POFUT3: variants seen among roughly 807,000 people sequenced by gnomAD.
The protein encoded by POFUT3 is protein O-fucosyltransferase 3, also known as GDP-fucose protein O-fucosyltransferase 3.
At chr8:33,310,105 G>T in the POFUT3 span, among the ~76,000 whole-genome samples, 1 of 152,098 alleles carries the variant, frequency 6.6e-6, no homozygotes, top group Non-Finnish European at 1.5e-5. Flanking sequence ...TGGATCTGTT[G>T]ACTGGGCTTA....
chr8:33,441,963 T>A, the POFUT3 span, among the ~76,000 whole-genome samples: 2 of 152,196 alleles, frequency 1.3e-5, no homozygotes, highest in African/African-American at 4.8e-5. Context: ...TTTTTTTTCT[T>A]TTTTGAGACG....
the POFUT3 span, chr8:33,455,933 C>T: frequency 2.3e-6 from 1 of 426,630 alleles, no homozygotes. Context: ...GAGTGAAAGC[C>T]AAGCAGCACT....
chr8:33,376,028 A>AT, the POFUT3 span, among the ~76,000 whole-genome samples: 1 of 151,860 alleles, frequency 6.6e-6, no homozygotes, highest in Non-Finnish European at 1.5e-5. Flanking sequence ...AAAAGAAAAA[A>AT]AAAAAACAAC....
At chr8:33,387,620 A>G in the POFUT3 span, among the ~76,000 whole-genome samples, 4 of 152,206 alleles carry the variant, frequency 2.6e-5, no homozygotes, top group Admixed American at 1.3e-4. Flanking sequence ...CCTGGCCAAC[A>G]TGGTGAAACC....
the POFUT3 span, among the ~76,000 whole-genome samples, chr8:33,345,510 C>T: frequency 1.3e-5 from 2 of 148,518 alleles, no homozygotes; most frequent in African/African-American, 5.0e-5. Context: ...AAGTGATTTT[C>T]GTGCCTCAGC....
the POFUT3 span, among the ~76,000 whole-genome samples, chr8:33,461,054 T>G: frequency 6.6e-6 from 1 of 151,454 alleles, no homozygotes; most frequent in Admixed American, 6.6e-5. Context: ...ACTCGGGAGG[T>G]TGAGGCACAA....
At chr8:33,318,618 T>A in the POFUT3 span, among the ~76,000 whole-genome samples, 1 of 89,902 alleles carries the variant, frequency 1.1e-5, no homozygotes, top group African/African-American at 5.9e-5. Flanking sequence ...ATATTGTATA[T>A]ATATTTATAT....
the POFUT3 span, among the ~76,000 whole-genome samples, chr8:33,376,253 T>C: frequency 6.6e-6 from 1 of 152,018 alleles, no homozygotes; most frequent in Non-Finnish European, 1.5e-5. Context: ...CAATCCATTA[T>C]GTGTCAGGTT....
chr8:33,412,473 A>T, the POFUT3 span, among the ~76,000 whole-genome samples: 1 of 152,230 alleles, frequency 6.6e-6, no homozygotes, highest in Non-Finnish European at 1.5e-5. Context: ...GGTACAGCAC[A>T]GGGAAATGCT....
chr8:33,463,757 G>C, the POFUT3 span, among the ~76,000 whole-genome samples: 2 of 152,126 alleles, frequency 1.3e-5, no homozygotes, highest in South Asian at 4.1e-4. Context: ...TCACCATGTT[G>C]TCCAGGCTGG....
the POFUT3 span, among the ~76,000 whole-genome samples, chr8:33,386,120 CA>C: frequency 7.6e-6 from 1 of 131,880 alleles, no homozygotes; most frequent in Non-Finnish European, 1.5e-5. Flanking sequence ...GCCTAGGAGG[CA>C]GAGGTTGCAG....
the POFUT3 span, among the ~76,000 whole-genome samples, chr8:33,367,387 C>T: frequency 8.5e-5 from 13 of 152,230 alleles, no homozygotes; most frequent in African/African-American, 3.1e-4. Context: ...TTCGGCCCAT[C>T]CCTTCGTTTC....
At chr8:33,385,546 C>T in the POFUT3 span, among the ~76,000 whole-genome samples, 1 of 152,142 alleles carries the variant, frequency 6.6e-6, no homozygotes, top group Non-Finnish European at 1.5e-5. Context: ...GTCTGGGTCA[C>T]CCTATCAGGC....
At chr8:33,321,347 G>A in the POFUT3 span, among the ~76,000 whole-genome samples, 2 of 152,166 alleles carry the variant, frequency 1.3e-5, no homozygotes, top group South Asian at 2.1e-4. Flanking sequence ...AGAGCAGCTG[G>A]GGCTCATAGA....
chr8:33,426,393 G>A, the POFUT3 span, among the ~76,000 whole-genome samples: 10 of 152,116 alleles, frequency 6.6e-5, no homozygotes, highest in African/African-American at 1.4e-4. Flanking sequence ...TGAGGCTCAC[G>A]GTGATCTTGT....
the POFUT3 span, among the ~76,000 whole-genome samples, chr8:33,386,134 A>G: frequency 7.0e-6 from 1 of 142,924 alleles, no homozygotes; most frequent in Non-Finnish European, 1.5e-5. Context: ...GGTTGCAGTG[A>G]GCCGAGATCA....
chr8:33,318,791 A>T, the POFUT3 span, among the ~76,000 whole-genome samples: 8 of 48,036 alleles, frequency 1.7e-4, no homozygotes, highest in African/African-American at 7.4e-4. Context: ...TATTTATATA[A>T]TATATATATA....
the POFUT3 span, among the ~76,000 whole-genome samples, chr8:33,429,031 T>C: frequency 5.9e-5 from 9 of 152,234 alleles, no homozygotes; most frequent in Admixed American, 3.3e-4. Context: ...AGTCACAGGA[T>C]ACAACTTACT....
At chr8:33,313,290 C>T in the POFUT3 span, among the ~76,000 whole-genome samples, 2 of 152,142 alleles carry the variant, frequency 1.3e-5, no homozygotes, top group African/African-American at 4.8e-5. Flanking sequence ...TACTTGCTTG[C>T]ACAAACGCTA....
Sources: allele counts gnomAD v4.1 joint callset (sites outside exome capture counted in the v4.1 genomes callset), GRCh38; gene constraint gnomAD v4.1.1; transcripts MANE v1.5; gene names NCBI Gene and HGNC (gene_info 2026-07-23, HGNC 2026-07-21).